Variants in UVRAG observed in about 807,000 individuals in gnomAD.
UVRAG encodes the protein UV radiation resistance associated.
A neutral mutation model predicts 78.0 loss-of-function variants in UVRAG; 19 were observed. That is an observed-to-expected ratio of 0.24 (90% CI 0.17 to 0.36). The LOEUF (loss-of-function observed/expected upper bound fraction) is 0.36. Ranked by LOEUF, UVRAG falls within the 10% of genes least tolerant of loss-of-function variation. The probability of loss-of-function intolerance (pLI) is 1.00; values close to 1 mark genes in which losing one functional copy is unlikely to be tolerated. For synonymous variants in UVRAG, 323 were observed against 324.6 expected (o/e 1.00, Z 0.05); for missense variants, 740 against 853.8 (o/e 0.87, Z 1.66).
chr11:75,931,827 T>G (rs2135107823), intron 6 of UVRAG, among the ~76,000 whole-genome samples: 1 of 152,256 alleles, frequency 6.6e-6, no homozygotes, highest in South Asian at 2.1e-4. Flanking sequence ...GCTATCTCAT[T>G]TTTACATTAT....
At chr11:76,108,805 C>T (rs560279469) in intron 13 of UVRAG, among the ~76,000 whole-genome samples, 7 of 152,208 alleles carry the variant, frequency 4.6e-5, no homozygotes, top group Admixed American at 2.0e-4. Context: ...CTTTTGCTAC[C>T]AGACAATACA....
intron 6 of UVRAG, chr11:75,916,444 C>T (rs1947859087): frequency 6.6e-6 from 1 of 152,208 alleles, no homozygotes; most frequent in Non-Finnish European, 1.5e-5. Flanking sequence ...CTTACCTGGT[C>T]TTGGATATAG....
intron 13 of UVRAG, among the ~76,000 whole-genome samples, chr11:76,075,889 G>A (rs1951395789): frequency 6.6e-6 from 1 of 152,040 alleles, no homozygotes; most frequent in Admixed American, 6.6e-5. Flanking sequence ...TAGGCTCAAG[G>A]TTTATCCATT....
At chr11:75,857,948 T>C (rs545622408) in intron 2 of UVRAG, among the ~76,000 whole-genome samples, 80 of 152,244 alleles carry the variant, frequency 5.3e-4, no homozygotes, top group South Asian at 1.2e-3. Flanking sequence ...GTACTTAAGA[T>C]CACTTGACAT....
chr11:75,982,139 T>C (rs1239927286), intron 7 of UVRAG, among the ~76,000 whole-genome samples: 1 of 152,198 alleles, frequency 6.6e-6, no homozygotes, highest in East Asian at 1.9e-4. Context: ...CATTAAGTTT[T>C]AAGTCTCTGG....
At chr11:75,887,810 C>G (rs1947121531) in intron 4 of UVRAG, among the ~76,000 whole-genome samples, 1 of 151,976 alleles carries the variant, frequency 6.6e-6, no homozygotes. Context: ...TCTCGAATTT[C>G]TCACCTCAAG....
In UVRAG at chr11:75,815,257, G is replaced by A; in HGVS notation, c.-151G>A. On this transcript the variant is annotated 5_prime_UTR_variant, in exon 1 of 15. Transcript: ENST00000356136. ...CAGCGGCGGCAACGGCGGCAGCGGCGGCAGCGGCGGCGGCTACTGTCTGGG... is the reference window on the plus strand; with the variant it reads ...CAGCGGCGGCAACGGCGGCAGCGGCAGCAGCGGCGGCGGCTACTGTCTGGG... The A allele has an allele frequency of 2.2e-6, 1 of 463,540 alleles. No individual in the cohort carries two copies. Among genetic ancestry groups the A allele is most frequent in the Non-Finnish European group, 3.7e-6 (1 of 272,316 alleles). The allele number at this position is 463,540 out of a possible 1,614,324, so 28.7% of individuals were successfully genotyped here. A position where few individuals can be genotyped will look rare whatever the true frequency, so the allele number is the denominator to read the frequency against.
chr11:75,900,073 G>A (rs575833896), intron 5 of UVRAG, among the ~76,000 whole-genome samples: 34 of 152,240 alleles, frequency 2.2e-4, no homozygotes, highest in African/African-American at 8.2e-4. Context: ...TGAATTTGGA[G>A]GATCTTGTCT....
intron 1 of UVRAG, among the ~76,000 whole-genome samples, chr11:75,816,532 A>C (rs1945266716): frequency 6.6e-6 from 1 of 152,232 alleles, no homozygotes; most frequent in African/African-American, 2.4e-5. Context: ...CCATTAGTTC[A>C]CTGAATTTTC....
intron 9 of UVRAG, 97 bp from the exon 10 acceptor site, chr11:76,007,437 A>T: frequency 3.2e-6 from 3 of 939,144 alleles, no homozygotes; most frequent in South Asian, 3.2e-5. Context: ...TATTACAGAC[A>T]GTATAATCTT....
At chr11:76,089,865 G>A (rs1951662864) in intron 13 of UVRAG, among the ~76,000 whole-genome samples, 1 of 151,960 alleles carries the variant, frequency 6.6e-6, no homozygotes, top group South Asian at 2.1e-4. Flanking sequence ...TTCTACCTGA[G>A]AAATAAAAAT....
At chr11:76,113,985 C>G (rs1952130805) in intron 13 of UVRAG, among the ~76,000 whole-genome samples, 3 of 152,036 alleles carry the variant, frequency 2.0e-5, no homozygotes. Flanking sequence ...GAAAACAGTT[C>G]AACACCCATC....
At chr11:75,882,944 GAA>G (rs1468134293) in intron 4 of UVRAG, among the ~76,000 whole-genome samples, 3 of 151,960 alleles carry the variant, frequency 2.0e-5, no homozygotes, top group Admixed American at 6.5e-5. Flanking sequence ...TTAAAACTTA[GAA>G]AATAATGACT....
chr11:76,123,286 A>G (rs1952324707), intron 14 of UVRAG, among the ~76,000 whole-genome samples: 1 of 152,230 alleles, frequency 6.6e-6, no homozygotes, highest in South Asian at 2.1e-4. Flanking sequence ...CTGGTTGTTT[A>G]TTCTACCTCA....
chr11:75,951,692 T>A (rs1291664777), intron 6 of UVRAG, among the ~76,000 whole-genome samples: 1 of 152,192 alleles, frequency 6.6e-6, no homozygotes, highest in Non-Finnish European at 1.5e-5. Flanking sequence ...CTAAATTATA[T>A]TTCATTGATC....
intron 1 of UVRAG, among the ~76,000 whole-genome samples, chr11:75,839,649 C>T (rs1226330089): frequency 6.6e-6 from 1 of 151,924 alleles, no homozygotes; most frequent in Non-Finnish European, 1.5e-5. Flanking sequence ...TTTCTTTAGG[C>T]TCCTATATGT....
chr11:76,133,958 C>CTTTTT (rs146371592), intron 14 of UVRAG, among the ~76,000 whole-genome samples: 2 of 132,886 alleles, frequency 1.5e-5, no homozygotes, highest in African/African-American at 2.9e-5. Context: ...TTTTTCTTTT[C>CTTTTT]TTTTTTTTTT....
intron 1 of UVRAG, among the ~76,000 whole-genome samples, chr11:75,847,294 A>C (rs571717700): frequency 6.7e-6 from 1 of 149,562 alleles, no homozygotes; most frequent in South Asian, 2.1e-4. Context: ...CGCCTGGCTA[A>C]CTTTTGTATC....
intron 10 of UVRAG, among the ~76,000 whole-genome samples, chr11:76,007,989 G>A (rs1367627830): frequency 6.6e-6 from 1 of 151,746 alleles, no homozygotes; most frequent in Non-Finnish European, 1.5e-5. Context: ...CTCACTGCAA[G>A]CTCCCCTTCC....
Sources: allele counts gnomAD v4.1 joint callset (sites outside exome capture counted in the v4.1 genomes callset), GRCh38; gene constraint gnomAD v4.1.1; transcripts MANE v1.5; gene names NCBI Gene and HGNC (gene_info 2026-07-23, HGNC 2026-07-21).